Variants in LRRC7 observed in about 807,000 individuals in gnomAD.
The protein encoded by LRRC7 is leucine-rich repeat-containing protein 7.
LRRC7 carries 23 observed loss-of-function variants against 175.7 expected under a neutral mutation model. The ratio of observed to expected loss-of-function variants is 0.13; its 90% CI spans 0.09 to 0.19. LRRC7 has a LOEUF of 0.19. Ranked by LOEUF, LRRC7 falls within the 10% of genes least tolerant of loss-of-function variation. The probability of loss-of-function intolerance (pLI) is 1.00; values close to 1 mark genes in which losing one functional copy is unlikely to be tolerated. For synonymous variants in LRRC7, 685 were observed against 680.9 expected (o/e 1.01, Z -0.09); for missense variants, 1,354 against 1,904.7 (o/e 0.71, Z 5.38).
At chr1:69,938,815 C>T (rs1467475771) in intron 8 of LRRC7, among the ~76,000 whole-genome samples, 2 of 151,550 alleles carry the variant, frequency 1.3e-5, no homozygotes, top group Non-Finnish European at 2.9e-5. Context: ...AGGTTTGCCA[C>T]ACCTACTAAT....
chr1:69,805,360 T>C (rs1204012424), intron 4 of LRRC7, among the ~76,000 whole-genome samples: 1 of 151,816 alleles, frequency 6.6e-6, no homozygotes, highest in Non-Finnish European at 1.5e-5. Flanking sequence ...CTTGAGACTC[T>C]AGTAGTGTAT....
At chr1:69,931,075 A>T (rs1014702472) in intron 7 of LRRC7, among the ~76,000 whole-genome samples, 12 of 152,176 alleles carry the variant, frequency 7.9e-5, no homozygotes, top group African/African-American at 2.9e-4. Flanking sequence ...TCTGTAACAG[A>T]AGTTCATTTA....
At chr1:69,804,682 A>G (rs2101110442) in intron 4 of LRRC7, among the ~76,000 whole-genome samples, 1 of 151,720 alleles carries the variant, frequency 6.6e-6, no homozygotes, top group Admixed American at 6.6e-5. Context: ...GCAATTTATA[A>G]GTAAATGCAT....
chr1:69,954,054 A>T (rs974877149), intron 8 of LRRC7, among the ~76,000 whole-genome samples: 1 of 152,174 alleles, frequency 6.6e-6, no homozygotes, highest in Non-Finnish European at 1.5e-5. Context: ...CCATTTGAAC[A>T]TAGTAGTTTC....
chr1:69,864,952 G>C (rs557867918), intron 7 of LRRC7, among the ~76,000 whole-genome samples: 7 of 152,104 alleles, frequency 4.6e-5, no homozygotes, highest in Non-Finnish European at 8.8e-5. Flanking sequence ...AGGAGCATAA[G>C]GGCACAAAGA....
Position 70,133,605 on chromosome 1 carries a change from A to C in LRRC7, c.*11718A>C, listed in dbSNP as rs759416268. ...ACAATGCTCTAAATTTACACAATTT[A>C]AGAAAAAAACAAGAGCTTTGAGCTT... On this transcript the variant is annotated 3_prime_UTR_variant, in exon 27 of 27. Coordinates refer to ENST00000651989, the MANE Select transcript of LRRC7 (RefSeq NM_001370785.2). 6.6e-6 allele frequency among the ~76,000 whole-genome samples: 1 copy of C among 152,226 alleles called. No homozygotes were observed. The highest frequency in any genetic ancestry group is 1.5e-5 in the Non-Finnish European group (1 of 68,040).
At chr1:69,719,867 T>G (rs144393442) in intron 2 of LRRC7, among the ~76,000 whole-genome samples, 84 of 151,834 alleles carry the variant, frequency 5.5e-4, no homozygotes, top group African/African-American at 1.8e-3. Flanking sequence ...TATAAAATGT[T>G]ACTTTTTATC....
At chr1:69,590,998 C>T (rs1646608341) in intron 1 of LRRC7, among the ~76,000 whole-genome samples, 1 of 151,944 alleles carries the variant, frequency 6.6e-6, no homozygotes, top group Non-Finnish European at 1.5e-5. Context: ...TTGTTAGAAA[C>T]TATAACTGTT....
chr1:69,815,497 T>G (rs2101167622), intron 4 of LRRC7, among the ~76,000 whole-genome samples: 1 of 152,278 alleles, frequency 6.6e-6, no homozygotes, highest in South Asian at 2.1e-4. Context: ...TTCTGTGTTC[T>G]TAGGAAATGT....
chr1:69,929,734 G>A lies in LRRC7; in HGVS notation c.648-1773G>A, dbSNP rs1408794607. ...GTCTGTTTATAAGCCTGCAATCACA[G>A]ATATTCTTCTAAAACAAATCATTTC... On this transcript the variant is annotated intron_variant, in intron 7 of 26. Coordinates refer to ENST00000651989, the MANE Select transcript of LRRC7 (RefSeq NM_001370785.2). 2.6e-5 allele frequency among the ~76,000 whole-genome samples: 4 copies of A among 152,120 alleles called. 1 individual carries two copies. The highest frequency in any genetic ancestry group is 4.1e-4 in the South Asian group (2 of 4,822).
intron 2 of LRRC7, among the ~76,000 whole-genome samples, chr1:69,754,774 C>G (rs1670221507): frequency 6.6e-6 from 1 of 151,956 alleles, no homozygotes; most frequent in Non-Finnish European, 1.5e-5. Flanking sequence ...AAATGTGCAT[C>G]TTTGTAAGTT....
intron 7 of LRRC7, among the ~76,000 whole-genome samples, chr1:69,866,113 C>T (rs181482774): frequency 6.6e-6 from 1 of 152,304 alleles, no homozygotes; most frequent in African/African-American, 2.4e-5. Flanking sequence ...TTATTTCTAA[C>T]ACTCAAATGT....
At chr1:69,852,998 A>G (rs1431506319) in intron 7 of LRRC7, among the ~76,000 whole-genome samples, 6 of 152,160 alleles carry the variant, frequency 3.9e-5, no homozygotes, top group East Asian at 3.9e-4. Flanking sequence ...AGCTTTTACC[A>G]AAGCTTCTGT....
At chr1:69,864,555 G>A (rs952626650) in intron 7 of LRRC7, among the ~76,000 whole-genome samples, 2 of 152,124 alleles carry the variant, frequency 1.3e-5, no homozygotes, top group African/African-American at 4.8e-5. Context: ...TTTATTTCAT[G>A]TTTGTTAATG....
At chr1:69,886,974 T>G (rs1645653276) in intron 7 of LRRC7, among the ~76,000 whole-genome samples, 1 of 151,972 alleles carries the variant, frequency 6.6e-6, no homozygotes, top group Admixed American at 6.5e-5. Context: ...GTAGGGTTTC[T>G]GCCGAGAGAT....
chr1:69,654,752 A>T (rs1656364746), intron 1 of LRRC7, among the ~76,000 whole-genome samples: 1 of 152,156 alleles, frequency 6.6e-6, no homozygotes. Context: ...CTTTCTTCAA[A>T]CAAGTGAGAC....
intron 7 of LRRC7, among the ~76,000 whole-genome samples, chr1:69,883,418 A>C (rs1686840013): frequency 8.5e-6 from 1 of 117,322 alleles, no homozygotes; most frequent in Non-Finnish European, 1.8e-5. Context: ...TCTTCTTTTG[A>C]GAAGTGTCTG....
chr1:69,652,849 A>T (rs934842297), intron 1 of LRRC7, among the ~76,000 whole-genome samples: 3 of 152,284 alleles, frequency 2.0e-5, no homozygotes, highest in South Asian at 4.1e-4. Context: ...TGTTCAAATG[A>T]TCTTTGTCAA....
At chr1:70,088,471 G>A (rs1212059047) in intron 24 of LRRC7, among the ~76,000 whole-genome samples, 2 of 152,172 alleles carry the variant, frequency 1.3e-5, no homozygotes, top group Non-Finnish European at 1.5e-5. Flanking sequence ...GCTGAGGCAG[G>A]AGGATACTTT....
Sources: allele counts gnomAD v4.1 joint callset (sites outside exome capture counted in the v4.1 genomes callset), GRCh38; gene constraint gnomAD v4.1.1; transcripts MANE v1.5; gene names NCBI Gene and HGNC (gene_info 2026-07-23, HGNC 2026-07-21).